Variants in CELF1 observed in about 807,000 individuals in gnomAD.
The protein encoded by CELF1 is CUGBP Elav-like family member 1.
Under a neutral mutation model 61.8 loss-of-function variants are expected in CELF1, and 10 were observed. The observed-to-expected ratio is 0.16, with a 90% CI of 0.10 to 0.27. The LOEUF (loss-of-function observed/expected upper bound fraction) is 0.27, where lower values mean the gene tolerates loss of function less well. Among genes scored for constraint, CELF1 ranks in the 10% least tolerant of loss-of-function variants. CELF1 has a pLI of 1.00. For missense variants in CELF1, 380 were observed against 639.1 expected (o/e 0.59, Z 4.37); for synonymous variants, 236 against 225.1 (o/e 1.05, Z -0.43).
intron 9 of CELF1, among the ~76,000 whole-genome samples, chr11:47,481,960 T>A (rs1015602118): frequency 6.6e-6 from 1 of 152,220 alleles, no homozygotes. Flanking sequence ...CCCAGCACTT[T>A]GGGAGGCCAA....
chr11:47,489,162 T>TTG, intron 3 of CELF1, 138 bp from the exon 4 acceptor site: 1 of 746,276 alleles, frequency 1.3e-6, no homozygotes, highest in South Asian at 2.4e-5. Flanking sequence ...TCCATTCAGT[T>TTG]TACCAGAGTT....
intron 3 of CELF1, among the ~76,000 whole-genome samples, chr11:47,497,672 T>C (rs1022363581): frequency 2.6e-5 from 4 of 152,230 alleles, no homozygotes; most frequent in Non-Finnish European, 5.9e-5. Context: ...TGACCTGTGT[T>C]AAGTCCACTA....
intron 2 of CELF1, 91 bp downstream of exon 2, chr11:47,500,770 A>T: frequency 2.5e-6 from 1 of 396,416 alleles, no homozygotes. Context: ...GCGGCATTTC[A>T]ATATTTAGGC....
At chr11:47,530,896 A>T (rs1044252285) in intron 1 of CELF1, among the ~76,000 whole-genome samples, 1 of 152,116 alleles carries the variant, frequency 6.6e-6, no homozygotes, top group South Asian at 2.1e-4. Flanking sequence ...TCAAGGCTAC[A>T]GTGAGCCACA....
intron 1 of CELF1, among the ~76,000 whole-genome samples, chr11:47,515,219 C>T (rs2095490419): frequency 6.6e-6 from 1 of 152,196 alleles, no homozygotes; most frequent in Non-Finnish European, 1.5e-5. Context: ...GTGGCTTCTA[C>T]CTTCAAAGGC....
chr11:47,551,181 A>T (rs1186104685), intron 1 of CELF1, among the ~76,000 whole-genome samples: 1 of 152,178 alleles, frequency 6.6e-6, no homozygotes, highest in East Asian at 1.9e-4. Context: ...TTAAGTCTAG[A>T]TAGCACAATC....
intron 1 of CELF1, among the ~76,000 whole-genome samples, chr11:47,502,440 T>C (rs2094016565): frequency 6.6e-6 from 1 of 152,092 alleles, no homozygotes; most frequent in African/African-American, 2.4e-5. Context: ...AATACAAAAA[T>C]GCAAATATTA....
At chr11:47,476,226 A>G (rs1013744886) in intron 12 of CELF1, among the ~76,000 whole-genome samples, 17 of 152,054 alleles carry the variant, frequency 1.1e-4, no homozygotes, top group African/African-American at 4.1e-4. Flanking sequence ...CTTGTGACCT[A>G]GGGTGATCCC....
chr11:47,537,414 A>G (rs901232332), intron 1 of CELF1, among the ~76,000 whole-genome samples: 1 of 151,480 alleles, frequency 6.6e-6, no homozygotes, highest in African/African-American at 2.4e-5. Flanking sequence ...CATTCAACAA[A>G]TTTCTGTTAT....
intron 1 of CELF1, among the ~76,000 whole-genome samples, chr11:47,525,210 T>C (rs2096174455): frequency 6.6e-6 from 1 of 152,256 alleles, no homozygotes; most frequent in South Asian, 2.1e-4. Context: ...TATTTTATGG[T>C]TGATACAAGT....
upstream of CELF1, chr11:47,553,226 G>T (rs915179497): frequency 2.9e-5 from 11 of 385,220 alleles, no homozygotes; most frequent in Admixed American, 4.5e-5. Context: ...CCGCGGCGCC[G>T]CCCGCAGCGC....
intron 13 of CELF1, among the ~76,000 whole-genome samples, chr11:47,474,001 G>A (rs1220189075): frequency 1.3e-5 from 2 of 152,034 alleles, no homozygotes; most frequent in Non-Finnish European, 2.9e-5. Flanking sequence ...CCGCCTCCCG[G>A]GTTCAAGCAA....
rs184457896 is a variant in CELF1 at position 47,502,764 on chromosome 11, G to A, written c.-153-1832C>T. Among the ~76,000 whole-genome samples, 4 of 152,164 alleles carry A rather than the reference G, an allele frequency of 2.6e-5. No homozygotes were observed. The East Asian group carries it at 5.8e-4, about 22-fold the overall frequency. The stretch of plus-strand genomic sequence containing the variant: ...GGAGAATCACTTGAACCCGGGAGGC[G>A]GAGGTTGCAGTGAGCTGAGATTGCG... On this transcript the variant is annotated intron_variant, in intron 1 of 14. Coordinates refer to ENST00000687097, the MANE Select transcript of CELF1 (RefSeq NM_001376376.1).
chr11:47,517,656 ATT>A (rs1049505316), intron 1 of CELF1, among the ~76,000 whole-genome samples: 1 of 148,678 alleles, frequency 6.7e-6, no homozygotes. Flanking sequence ...TTCTACAGAA[ATT>A]TTTTTTTTTT....
chr11:47,484,483 C>T lies in CELF1; in HGVS notation c.432G>A (p.Lys144=). Residue 144 remains lysine, a synonymous_variant, in exon 7 of 15, where the codon AAG becomes AAA. Transcript: ENST00000687097. ...CTCGGATGTCATTTTCAGTGCACTTCTTGGAAATCATACCAATAAACAGCT... is the reference window on the plus strand; with the variant it reads ...CTCGGATGTCATTTTCAGTGCACTTTTTGGAAATCATACCAATAAACAGCT... The part of the protein sequence containing the change: ...DRKLFIGMIS[K]KCTENDIRVM... 6.2e-7 allele frequency: 1 copy of T among 1,613,340 alleles called. No individual in the cohort carries two copies. Among genetic ancestry groups the T allele is most frequent in the Non-Finnish European group, 8.5e-7 (1 of 1,179,674 alleles).
chr11:47,490,464 T>C (rs1320835938), intron 3 of CELF1, among the ~76,000 whole-genome samples: 3 of 151,208 alleles, frequency 2.0e-5, no homozygotes, highest in African/African-American at 4.9e-5. Context: ...TTCACTCTTA[T>C]TGCCCAGGCT....
intron 6 of CELF1, among the ~76,000 whole-genome samples, chr11:47,486,160 CA>C (rs375593179): frequency 0.77 from 63,177 of 82,532 alleles, 24,293 homozygotes; most frequent in Non-Finnish European, 0.84. Flanking sequence ...GACTCCATCT[CA>C]AAAAAAAAAA....
At chr11:47,509,803 G>A (rs1353517180) in intron 1 of CELF1, among the ~76,000 whole-genome samples, 1 of 151,740 alleles carries the variant, frequency 6.6e-6, no homozygotes, top group Non-Finnish European at 1.5e-5. Flanking sequence ...GAGGTGGGCG[G>A]GTCACTTGAG....
intron 3 of CELF1, among the ~76,000 whole-genome samples, chr11:47,489,935 G>GTTGTTTTTTT (rs1555170252): frequency 2.1e-5 from 1 of 48,226 alleles, no homozygotes; most frequent in African/African-American, 7.8e-5. Flanking sequence ...ATACCATCTT[G>GTTGTTTTTTT]TTTTTTTTTT....
Sources: gnomAD v4.1 joint callset for allele counts (sites outside exome capture counted in the v4.1 genomes callset) on GRCh38, gnomAD v4.1.1 for gene constraint, MANE v1.5 for transcripts, NCBI Gene and HGNC (gene_info 2026-07-23, HGNC 2026-07-21) for gene names.